GMDS: variants seen among roughly 807,000 people sequenced by gnomAD.
The protein encoded by GMDS is GDP-mannose 4,6-dehydratase.
Under a neutral mutation model 49.9 loss-of-function variants are expected in GMDS, and 20 were observed. That is an observed-to-expected ratio of 0.40 (90% confidence interval 0.28 to 0.58). GMDS has a LOEUF of 0.58. GMDS is among the 20% of genes least tolerant of loss of function. The pLI, the probability that GMDS is intolerant of heterozygous loss-of-function variation, is 0.42. For missense variants in GMDS, 362 were observed against 481.4 expected, an observed-to-expected ratio of 0.75 and a Z score of 2.32; for synonymous variants, 177 against 178.6, an observed-to-expected ratio of 0.99 and a Z score of 0.07.
At chr6:2,186,919 T>G (rs1778804459) in intron 1 of GMDS, among the ~76,000 whole-genome samples, 1 of 152,246 alleles carries the variant, frequency 6.6e-6, no homozygotes, top group African/African-American at 2.4e-5. Flanking sequence ...AGCTTTATAC[T>G]TTCGATAAAA....
chr6:1,662,034 G>A (rs1437539278), intron 9 of GMDS, among the ~76,000 whole-genome samples: 3 of 152,096 alleles, frequency 2.0e-5, no homozygotes, highest in Admixed American at 1.3e-4. Flanking sequence ...ATGGCGACTC[G>A]CCTTGGCTCC....
rs549114746 is a variant in GMDS at position 2,051,342 on chromosome 6, A to C, written c.345+64429T>G. Among the ~76,000 whole-genome samples the C allele has an allele frequency of 1.3e-5, 2 of 152,320 alleles. 1 individual carries two copies. Among genetic ancestry groups the C allele is most frequent in the South Asian group, 4.1e-4 (2 of 4,828 alleles). On this transcript the variant is annotated intron_variant, in intron 4 of 10. Transcript: ENST00000380815. ...GTTATTTGGTAGAGCAGCAGTAGAA[A>C]ACATAGATATGGCAGATTTTTTAAG...
At chr6:1,709,469 T>C (rs12206258) in intron 9 of GMDS, among the ~76,000 whole-genome samples, 45,714 of 152,152 alleles carry the variant, frequency 0.3, 6,895 homozygotes, top group Middle Eastern at 0.37. Context: ...GAAGATCATG[T>C]TCCCTGAGCA....
At chr6:1,962,890 T>C (rs545689302) in intron 4 of GMDS, among the ~76,000 whole-genome samples, 120 of 151,344 alleles carry the variant, frequency 7.9e-4, no homozygotes, top group African/African-American at 2.7e-3. Context: ...CTTTTTTTTT[T>C]TTTTAAGATG....
chr6:1,787,175 T>C lies in GMDS; in HGVS notation c.772-44589A>G, dbSNP rs186442572. On this transcript the variant is annotated intron_variant, in intron 7 of 10. Transcript: ENST00000380815. ...GCTGCCATCATATAAATCAGAGTCATGAGTTATCATTGTTCTAGTAGCAAT... is the reference window on the plus strand; with the variant it reads ...GCTGCCATCATATAAATCAGAGTCACGAGTTATCATTGTTCTAGTAGCAAT... 1.7e-3 allele frequency among the ~76,000 whole-genome samples: 256 copies of C among 152,318 alleles called. 2 individuals are homozygous for C. Among genetic ancestry groups the C allele is most frequent in the Non-Finnish European group, 3.7e-4 (25 of 68,036 alleles).
Position 1,763,724 on chromosome 6 carries a change from G to A in GMDS, c.772-21138C>T, listed in dbSNP as rs542718471. ...ACAATGGGACATCCCAGTCATCATG[G>A]TGGCATGAAATCTAGAAAGCGGAAG... is the stretch of plus-strand genomic sequence containing the variant. On this transcript the variant is annotated intron_variant, in intron 7 of 10. Transcript: ENST00000380815. Among the ~76,000 whole-genome samples, 5 of 152,348 alleles carry A rather than the reference G, an allele frequency of 3.3e-5. No homozygotes were observed. In the East Asian group the frequency reaches 9.6e-4, roughly 29 times the overall value.
At chr6:1,682,395 T>C (rs923502376) in intron 9 of GMDS, among the ~76,000 whole-genome samples, 2 of 152,190 alleles carry the variant, frequency 1.3e-5, no homozygotes, top group African/African-American at 4.8e-5. Flanking sequence ...TCAGCCTCAC[T>C]GCTGGCATTT....
intron 1 of GMDS, among the ~76,000 whole-genome samples, chr6:2,209,685 G>A (rs1454748036): frequency 6.6e-6 from 1 of 151,878 alleles, no homozygotes; most frequent in African/African-American, 2.4e-5. Context: ...TATCAAACGT[G>A]CATTTATAAA....
At chr6:1,892,878 G>A (rs1420751578) in intron 7 of GMDS, among the ~76,000 whole-genome samples, 1 of 152,164 alleles carries the variant, frequency 6.6e-6, no homozygotes, top group Non-Finnish European at 1.5e-5. Flanking sequence ...CCCTTCTTAT[G>A]GCTGCTCCCA....
intron 1 of GMDS, among the ~76,000 whole-genome samples, chr6:2,132,350 T>C (rs992736215): frequency 6.6e-6 from 1 of 152,138 alleles, no homozygotes; most frequent in African/African-American, 2.4e-5. Context: ...ATAGGTGTTA[T>C]GGGATGGAGG....
At chr6:1,758,173 ACT>A (rs760456184) in intron 7 of GMDS, among the ~76,000 whole-genome samples, 55 of 151,548 alleles carry the variant, frequency 3.6e-4, no homozygotes, top group Non-Finnish European at 6.2e-4. Context: ...TCCTGCTAAA[ACT>A]CTCTGCCGGG....
At chr6:2,243,383 C>G (rs1322936699) in intron 1 of GMDS, among the ~76,000 whole-genome samples, 3 of 152,088 alleles carry the variant, frequency 2.0e-5, no homozygotes, top group Non-Finnish European at 4.4e-5. Context: ...TACTGCTGGT[C>G]GTGTAAATTG....
chr6:1,704,196 G>C (rs1561742669), intron 9 of GMDS, among the ~76,000 whole-genome samples: 1 of 152,108 alleles, frequency 6.6e-6, no homozygotes, highest in South Asian at 2.1e-4. Flanking sequence ...AGGCTGACTT[G>C]GGGCTGCTGG....
chr6:1,956,776 T>G (rs2127290223), intron 6 of GMDS, among the ~76,000 whole-genome samples: 1 of 152,258 alleles, frequency 6.6e-6, no homozygotes, highest in Non-Finnish European at 1.5e-5. Context: ...TGTTTATTAA[T>G]GTATATCAGA....
At chr6:1,790,479 T>C (rs1160627042) in intron 7 of GMDS, among the ~76,000 whole-genome samples, 1 of 152,188 alleles carries the variant, frequency 6.6e-6, no homozygotes, top group Admixed American at 6.5e-5. Flanking sequence ...ACTCTTTGAC[T>C]CTAGCACCTA....
intron 7 of GMDS, among the ~76,000 whole-genome samples, chr6:1,877,036 C>T (rs887927044): frequency 6.6e-6 from 1 of 152,180 alleles, no homozygotes; most frequent in African/African-American, 2.4e-5. Context: ...TGGTGGACAG[C>T]AGGGTAAGAC....
At chr6:1,740,699 G>C (rs4140588) in intron 8 of GMDS, among the ~76,000 whole-genome samples, 2 of 139,714 alleles carry the variant, frequency 1.4e-5, no homozygotes, top group Non-Finnish European at 3.2e-5. Context: ...TTTTTTTTTT[G>C]AAAAATGAGG....
intron 9 of GMDS, among the ~76,000 whole-genome samples, chr6:1,655,488 CACACACAT>C (rs142529618): frequency 0.53 from 58,513 of 111,296 alleles, 13,015 homozygotes; most frequent in Non-Finnish European, 0.58. Context: ...CACACACACA[CACACACAT>C]ACACACACAC....
At chr6:1,982,285 T>A (rs944883923) in intron 4 of GMDS, among the ~76,000 whole-genome samples, 3 of 152,186 alleles carry the variant, frequency 2.0e-5, no homozygotes, top group Admixed American at 6.5e-5. Flanking sequence ...TCATACTGAA[T>A]GAGCAAAAGC....
Sources: gnomAD v4.1 joint callset for allele counts (sites outside exome capture counted in the v4.1 genomes callset) on GRCh38, gnomAD v4.1.1 for gene constraint, MANE v1.5 for transcripts, NCBI Gene and HGNC (gene_info 2026-07-23, HGNC 2026-07-21) for gene names.